Variants in DCC observed in about 807,000 individuals in gnomAD.
The protein encoded by DCC is netrin receptor DCC.
In DCC, 58 loss-of-function variants were observed where a neutral mutation model predicts 172.5. The observed-to-expected ratio is 0.34, with a 90% CI of 0.27 to 0.42. The LOEUF is 0.42. Among genes scored for constraint, DCC ranks in the 10% least tolerant of loss-of-function variants. The pLI is 1.00. For synonymous variants in DCC, 709 were observed against 644.5 expected (o/e 1.10, Z -1.52); for missense variants, 1,740 against 1,791.0 (o/e 0.97, Z 0.51).
intron 15 of DCC, among the ~76,000 whole-genome samples, chr18:53,377,155 A>T (rs1907348659): frequency 6.6e-6 from 1 of 152,232 alleles, no homozygotes; most frequent in Non-Finnish European, 1.5e-5. Flanking sequence ...AGAATTAGAC[A>T]TGATACCACT....
chr18:52,655,982 G>A (rs1189779871), intron 1 of DCC, among the ~76,000 whole-genome samples: 2 of 121,660 alleles, frequency 1.6e-5, no homozygotes, highest in Admixed American at 8.2e-5. Context: ...GTGTGTGTGT[G>A]TGTGTATATA....
intron 7 of DCC, among the ~76,000 whole-genome samples, chr18:53,110,952 A>G (rs1310974198): frequency 2.4e-5 from 3 of 122,704 alleles, no homozygotes; most frequent in African/African-American, 9.6e-5. Context: ...ATGCACACGT[A>G]TGTTTATTGT....
intron 2 of DCC, among the ~76,000 whole-genome samples, chr18:52,816,231 A>G (rs893524063): frequency 6.6e-6 from 1 of 152,256 alleles, no homozygotes; most frequent in South Asian, 2.1e-4. Context: ...TCATAGGTCC[A>G]GCCATTGTCA....
intron 1 of DCC, among the ~76,000 whole-genome samples, chr18:52,527,031 C>T (rs2032004307): frequency 6.6e-6 from 1 of 152,172 alleles, no homozygotes; most frequent in African/African-American, 2.4e-5. Context: ...CAATGGGAAC[C>T]TTTTGGTAAA....
chr18:53,058,469 G>T (rs1393698845), intron 5 of DCC, among the ~76,000 whole-genome samples: 1 of 152,006 alleles, frequency 6.6e-6, no homozygotes, highest in African/African-American at 2.4e-5. Flanking sequence ...AATTAGAGAT[G>T]ACTTTATCAA....
intron 5 of DCC, among the ~76,000 whole-genome samples, chr18:53,033,998 T>C (rs2042059542): frequency 6.6e-6 from 1 of 152,028 alleles, no homozygotes. Flanking sequence ...GGCCACTCCT[T>C]TCAGTCTCAT....
chr18:53,373,285 A>C lies in DCC; in HGVS notation c.2360-12758A>C, dbSNP rs935784409. ...ATTTTTACCAAGAATTTTACTATGA[A>C]TAGATCTAGTGAATATTCCTGCGGA... On this transcript the variant is annotated intron_variant, in intron 15 of 28. Transcript: ENST00000442544. 2.0e-5 allele frequency among the ~76,000 whole-genome samples: 3 copies of C among 152,102 alleles called. No homozygotes were observed. In the East Asian group the frequency reaches 5.8e-4, roughly 29 times the overall value.
At chr18:52,595,465 T>C (rs2033889980) in intron 1 of DCC, among the ~76,000 whole-genome samples, 1 of 152,222 alleles carries the variant, frequency 6.6e-6, no homozygotes, top group South Asian at 2.1e-4. Flanking sequence ...AGATATTAAA[T>C]TTCCTTTTTA....
chr18:52,576,830 A>AAG (rs1491243333), intron 1 of DCC, among the ~76,000 whole-genome samples: 1 of 26,650 alleles, frequency 3.8e-5, no homozygotes, highest in Non-Finnish European at 1.0e-4. Context: ...CCTCCATCTC[A>AAG]AAAAAAAAAA....
intron 15 of DCC, among the ~76,000 whole-genome samples, chr18:53,380,662 T>A (rs774359979): frequency 6.6e-6 from 1 of 151,858 alleles, no homozygotes; most frequent in Admixed American, 6.6e-5. Flanking sequence ...GGTTGTGGAG[T>A]CTTCCCAAGC....
intron 5 of DCC, among the ~76,000 whole-genome samples, chr18:52,928,014 C>T (rs2040246353): frequency 6.6e-6 from 1 of 151,942 alleles, no homozygotes; most frequent in Non-Finnish European, 1.5e-5. Flanking sequence ...TGGAATCAAC[C>T]TAAATGCCAA....
At chr18:52,820,887 G>C (rs140030375) in intron 2 of DCC, among the ~76,000 whole-genome samples, 302 of 152,226 alleles carry the variant, frequency 2.0e-3, no homozygotes, top group African/African-American at 6.9e-3. Flanking sequence ...AAATCTTTTT[G>C]TTAGTGAACA....
chr18:52,574,949 A>C (rs2033376211), intron 1 of DCC, among the ~76,000 whole-genome samples: 1 of 152,160 alleles, frequency 6.6e-6, no homozygotes, highest in Admixed American at 6.5e-5. Flanking sequence ...AATTAGGTAC[A>C]CTGTACTTTC....
chr18:52,410,427 A>C (rs1403267686), intron 1 of DCC, among the ~76,000 whole-genome samples: 2 of 152,096 alleles, frequency 1.3e-5, no homozygotes, highest in Non-Finnish European at 2.9e-5. Flanking sequence ...GAAATACCTC[A>C]TTTGTAAGGC....
chr18:52,795,545 G>GA (rs2037858705), intron 2 of DCC, among the ~76,000 whole-genome samples: 1 of 151,772 alleles, frequency 6.6e-6, no homozygotes, highest in South Asian at 2.1e-4. Context: ...TACCTTCTCA[G>GA]AAAAACAAGT....
At chr18:52,816,800 T>G (rs2038308435) in intron 2 of DCC, 1 of 152,190 alleles carries the variant, frequency 6.6e-6, no homozygotes, top group Non-Finnish European at 1.5e-5. Context: ...GCATCTTTTA[T>G]TTTTATATGA....
chr18:53,054,670 G>C (rs982476619), intron 5 of DCC, among the ~76,000 whole-genome samples: 1 of 152,044 alleles, frequency 6.6e-6, no homozygotes, highest in South Asian at 2.1e-4. Flanking sequence ...AACTAAGGAA[G>C]GGCAATGGGA....
intron 5 of DCC, among the ~76,000 whole-genome samples, chr18:52,957,044 A>T (rs2040756364): frequency 6.6e-6 from 1 of 152,182 alleles, no homozygotes. Context: ...ACAGCAGACA[A>T]TTCTCTCAAC....
intron 5 of DCC, among the ~76,000 whole-genome samples, chr18:52,980,051 T>C (rs2041183222): frequency 6.6e-6 from 1 of 152,192 alleles, no homozygotes; most frequent in African/African-American, 2.4e-5. Flanking sequence ...CTGTATTTAA[T>C]TCAATTATCT....
Sources: allele counts gnomAD v4.1 joint callset (sites outside exome capture counted in the v4.1 genomes callset), GRCh38; gene constraint gnomAD v4.1.1; transcripts MANE v1.5; gene names NCBI Gene and HGNC (gene_info 2026-07-23, HGNC 2026-07-21).